Variants in SLC23A1 observed in about 807,000 individuals in gnomAD.
The protein encoded by SLC23A1 is solute carrier family 23 member 1.
SLC23A1 carries 31 observed loss-of-function variants against 62.5 expected under a neutral mutation model. The observed-to-expected ratio is 0.50, with a 90% confidence interval of 0.37 to 0.67. SLC23A1 has a LOEUF of 0.67. Ranked by LOEUF, SLC23A1 falls within the 30% of genes least tolerant of loss-of-function variation. The pLI, the probability that SLC23A1 is intolerant of heterozygous loss-of-function variation, is 0.00. For missense variants in SLC23A1, 640 were observed against 782.7 expected (o/e 0.82, Z 2.18); for synonymous variants, 271 against 313.2 (o/e 0.87, Z 1.42).
chr5:139,382,668 C>G, intron 1 of SLC23A1, 63 bp from the exon 2 acceptor site: 1 of 1,035,478 alleles, frequency 9.7e-7, no homozygotes, highest in Non-Finnish European at 1.5e-6. Context: ...ATCCATTCTG[C>G]CCCAGAATCA....
At chr5:139,372,303 C>T in intron 13 of SLC23A1, 50 bp from the exon 14 acceptor site, 2 of 1,563,174 alleles carry the variant, frequency 1.3e-6, no homozygotes, top group East Asian at 2.3e-5. Context: ...CCCTCAGCCA[C>T]CCCCACTTCC....
In SLC23A1 at chr5:139,378,601, A is replaced by G. The variant is rs762367240; in HGVS notation, c.1157T>C (p.Ile386Thr). 7.5e-6 allele frequency: 12 copies of G among 1,610,448 alleles called. No homozygotes were observed. The highest frequency in any genetic ancestry group is 1.7e-5 in the Admixed American group (1 of 59,568). The change falls in exon 10 of 15, where the codon ATT becomes ACT. Residue 386 changes from isoleucine (I) to threonine (T), a missense_variant. Transcript: ENST00000348729. The surrounding 1 kb of genome is among the most constrained non-coding windows in gnomAD (Gnocchi z 4.5). ...CACCTTGGTAATTCCCAGGACGCCA[A>G]TGTTGGGACTGGACGAGGTGGACCC... is the stretch of plus-strand genomic sequence containing the variant. ...GNGSTSSSPN[I>T]GVLGITKVGS...
intron 14 of SLC23A1, 108 bp downstream of exon 14, chr5:139,371,879 C>A: frequency 1.2e-6 from 1 of 852,782 alleles, no homozygotes; most frequent in South Asian, 1.7e-5. Context: ...TGAGGACATT[C>A]AAACAGTTTA....
Position 139,377,981 on chromosome 5 carries a change from T to G in SLC23A1, c.1447A>C (p.Asn483His). 2 of 1,613,664 alleles carry G rather than the reference T, an allele frequency of 1.2e-6. No individual in the cohort carries two copies. Among genetic ancestry groups the G allele is most frequent in the Non-Finnish European group, 1.7e-6 (2 of 1,179,846 alleles). ...AGTAAACAGCTGGAGGCACCTGTAT[T>G]GATGGCGCCAGGGTTGGACTCCAGG... ...NYLESNPGAI[N>H]TGILEVDQIL... Residue 483 changes from asparagine to histidine, a missense_variant, in exon 12 of 15, where the codon AAT becomes CAT. Physicochemically the swap from Asn to His is moderately conservative, Grantham distance 68 (BLOSUM62 1). Transcript: ENST00000348729.
Position 139,378,280 on chromosome 5 carries a change from C to T in SLC23A1, c.1251G>A (p.Thr417=), listed in dbSNP as rs572608657. The change falls in exon 11 of 15, where the codon ACG becomes ACA. Residue 417 remains threonine (T), a synonymous_variant. Coordinates refer to ENST00000348729, the MANE Select transcript of SLC23A1 (RefSeq NM_005847.5). This position sits in a 1 kb window ranked among gnomAD's most constrained non-coding sequence, Gnocchi z 4.5. ...MLVLGTIGKF[T]ALFASLPDPI... ...GGTCAGGGAGCGAGGCGAAGAGGGC[C>T]GTGAACTTGCCGATGGTGCCCAGGA... 16 of 1,603,330 alleles carry T rather than the reference C, an allele frequency of 1.0e-5. No individual in the cohort carries two copies. The East Asian group carries it at 1.6e-4, about 16-fold the overall frequency.
rs1757339690 is a variant in SLC23A1 at position 139,367,588 on chromosome 5, T to C, written c.*63A>G. 6.6e-6 allele frequency: 1 copy of C among 152,212 alleles called. No homozygotes were observed. Among genetic ancestry groups the C allele is most frequent in the African/African-American group, 2.4e-5 (1 of 41,458 alleles). 9.4% of individuals were successfully genotyped at this position (152,212 alleles called of 1,614,324 possible). ...GCTGGGATTTCAGGCTTAGGTCTTC[T>C]GGTTCCCCATGTAGTTTTCTTTTCC... On this transcript the variant is annotated 3_prime_UTR_variant, in exon 15 of 15. Transcript: ENST00000348729.
chr5:139,378,161 A>G lies in SLC23A1; in HGVS notation c.1310-43T>C. 1 of 1,613,722 alleles carries G rather than the reference A, an allele frequency of 6.2e-7. No homozygotes were observed. Among genetic ancestry groups the G allele is most frequent in the South Asian group, 1.1e-5 (1 of 91,046 alleles). Reference sequence around the variant, plus strand: ...CGGCTGGAGGCGCCGCACACGCGTAATCCAGGTGAGTCCCACTCGGCGACC... The same window carrying G: ...CGGCTGGAGGCGCCGCACACGCGTAGTCCAGGTGAGTCCCACTCGGCGACC... On this transcript the variant is annotated intron_variant, in intron 11 of 14. Coordinates refer to ENST00000348729, the MANE Select transcript of SLC23A1 (RefSeq NM_005847.5). The surrounding 1 kb of genome is among the most constrained non-coding windows in gnomAD (Gnocchi z 4.5).
At chr5:139,380,150 G>A (rs1758169153) in intron 6 of SLC23A1, 58 bp downstream of exon 6, 1 of 1,561,944 alleles carries the variant, frequency 6.4e-7, no homozygotes, top group Non-Finnish European at 8.7e-7. Flanking sequence ...AAGGACCAAG[G>A]ACATGAAGAG....
At position 139,382,500 on chromosome 5, in the gene SLC23A1, C is replaced by T; in HGVS notation, c.142G>A (p.Gly48Ser). 6.2e-7 allele frequency: 1 copy of T among 1,608,362 alleles called. No homozygotes were observed. Among genetic ancestry groups the T allele is most frequent in the Non-Finnish European group, 8.5e-7 (1 of 1,175,148 alleles). The change falls in exon 2 of 15, where the codon GGC becomes AGC. Residue 48 changes from glycine (G) to serine (S), a missense_variant. Gly to Ser is a moderately conservative substitution (Grantham distance 56). Transcript: ENST00000348729. ...VPPWYLCILL[G>S]FQHYLTCFSG... Reference sequence around the variant, plus strand: ...GGCCCTGGGGGACCCACCTGGAAGCCCAGCAGGATGCACAGGTACCAAGGT... The same window carrying T: ...GGCCCTGGGGGACCCACCTGGAAGCTCAGCAGGATGCACAGGTACCAAGGT...
At chr5:139,370,262 C>A (rs1757572773) in intron 14 of SLC23A1, among the ~76,000 whole-genome samples, 1 of 152,082 alleles carries the variant, frequency 6.6e-6, no homozygotes, top group Non-Finnish European at 1.5e-5. Flanking sequence ...CCTTCACCTC[C>A]CAGGTTCAAG....
intron 13 of SLC23A1, among the ~76,000 whole-genome samples, chr5:139,373,186 T>C (rs1313506193): frequency 1.3e-5 from 2 of 152,092 alleles, no homozygotes. Flanking sequence ...TTGTTGTTGT[T>C]GTTGTTTTTG....
intron 2 of SLC23A1, 112 bp from the exon 3 acceptor site, chr5:139,382,161 C>G (rs537435962): frequency 1.8e-6 from 2 of 1,101,820 alleles, no homozygotes; most frequent in Non-Finnish European, 2.6e-6. Context: ...CGGCTGCCTG[C>G]CCAGGACTGG....
At chr5:139,383,516 C>T (rs1758391546), upstream of SLC23A1, among the ~76,000 whole-genome samples, 1 of 152,180 alleles carries the variant, frequency 6.6e-6, no homozygotes, top group South Asian at 2.1e-4. Flanking sequence ...TTCTTGTTTC[C>T]CAAGAGAGGG....
rs1465483301 is a variant in SLC23A1 at position 139,382,509 on chromosome 5, T to C, written c.133A>G (p.Ile45Val). Reference sequence around the variant, plus strand: ...GGACCCACCTGGAAGCCCAGCAGGATGCACAGGTACCAAGGTGGCACGTCC... The same window carrying C: ...GGACCCACCTGGAAGCCCAGCAGGACGCACAGGTACCAAGGTGGCACGTCC... ...IEDVPPWYLC[I>V]LLGFQHYLTC... The change falls in exon 2 of 15, where the codon ATC becomes GTC. Residue 45 changes from isoleucine to valine, a missense_variant. Ile to Val is a conservative substitution (Grantham distance 29). Transcript: ENST00000348729. The C allele has an allele frequency of 9.9e-6, 16 of 1,610,910 alleles. No homozygotes were observed. The highest frequency in any genetic ancestry group is 1.3e-5 in the Non-Finnish European group (15 of 1,177,498).
chr5:139,378,190 A>G lies in SLC23A1; in HGVS notation c.1309+32T>C, dbSNP rs916757457. 1.2e-6 allele frequency: 2 copies of G among 1,612,796 alleles called. No individual in the cohort carries two copies. The highest frequency in any genetic ancestry group is 2.7e-5 in the African/African-American group (2 of 74,886). On this transcript the variant is annotated intron_variant, in intron 11 of 14. Coordinates refer to ENST00000348729, the MANE Select transcript of SLC23A1 (RefSeq NM_005847.5). The surrounding 1 kb of genome is among the most constrained non-coding windows in gnomAD (Gnocchi z 4.5). ...AGGTGAGTCCCACTCGGCGACCCGCACCGCGACCCGTGGCCCGCGCCAGAC... is the reference window on the plus strand; with the variant it reads ...AGGTGAGTCCCACTCGGCGACCCGCGCCGCGACCCGTGGCCCGCGCCAGAC...
chr5:139,372,165 G>T lies in SLC23A1; in HGVS notation c.1638C>A (p.Phe546Leu), dbSNP rs768125873. ...TTTTTACTATGCCCATCCCAATGGG[G>T]AAATCGTAGCTCTTGAGGCTGGAAG... Reference protein sequence around the residue: ...DMSSSLKSYDFPIGMGIVKRI... With the variant: ...DMSSSLKSYDLPIGMGIVKRI... The change falls in exon 14 of 15, where the codon TTC (phenylalanine) becomes TTA (leucine). Residue 546 changes from phenylalanine (F) to leucine (L), a missense_variant. Physicochemically the swap from Phe to Leu is conservative, Grantham distance 22. Coordinates refer to ENST00000348729, the MANE Select transcript of SLC23A1 (RefSeq NM_005847.5). 4 of 1,613,082 alleles carry T rather than the reference G, an allele frequency of 2.5e-6. No homozygotes were observed. The highest frequency in any genetic ancestry group is 3.4e-6 in the Non-Finnish European group (4 of 1,179,134).
At chr5:139,372,623 T>C (rs1757733834) in intron 13 of SLC23A1, among the ~76,000 whole-genome samples, 2 of 152,188 alleles carry the variant, frequency 1.3e-5, no homozygotes, top group African/African-American at 2.4e-5. Flanking sequence ...CTCGCTCTGT[T>C]GCCCAGGCTG....
rs768967587 is a variant in SLC23A1 at position 139,372,012 on chromosome 5, C to T, written c.1791G>A (p.Lys597=). 4 of 1,613,486 alleles carry T rather than the reference C, an allele frequency of 2.5e-6. No homozygotes were observed. Among genetic ancestry groups the T allele is most frequent in the Admixed American group, 3.3e-5 (2 of 59,930 alleles). ...ENTETASVCT[K]V The stretch of plus-strand genomic sequence containing the variant: ...CTTTCCTGGAAGTCATTTTTCAGAC[C>T]TTGGTGCACACAGATGCAGTTTCTG... The change falls in exon 14 of 15, where the codon AAG becomes AAA. Residue 597 remains lysine, a synonymous_variant. Transcript: ENST00000348729.
At chr5:139,368,060 G>C (rs1308835779) in intron 14 of SLC23A1, among the ~76,000 whole-genome samples, 1 of 152,198 alleles carries the variant, frequency 6.6e-6, no homozygotes, top group Non-Finnish European at 1.5e-5. Flanking sequence ...ATTAGGCCGG[G>C]CGCGGTGGCT....
Sources: gnomAD v4.1 joint callset for allele counts (sites outside exome capture counted in the v4.1 genomes callset) on GRCh38, gnomAD v4.1.1 for gene constraint, Gnocchi (gnomAD v3.1) non-coding constraint, MANE v1.5 for transcripts, NCBI Gene and HGNC (gene_info 2026-07-23, HGNC 2026-07-21) for gene names.